Variants in ODF2L observed in about 807,000 individuals in gnomAD.
ODF2L encodes protein BCAP.
A neutral mutation model predicts 86.3 loss-of-function variants in ODF2L; 76 were observed. The ratio of observed to expected loss-of-function variants is 0.88; its 90% CI spans 0.73 to 1.07. ODF2L has a LOEUF of 1.07. Ranked by LOEUF, ODF2L falls within the 50% of genes least tolerant of loss-of-function variation. The pLI, the probability that ODF2L is intolerant of heterozygous loss-of-function variation, is 0.00. For missense variants in ODF2L, 748 were observed against 717.4 expected (o/e 1.04, Z -0.49); for synonymous variants, 241 against 231.3 (o/e 1.04, Z -0.38).
chr1:86,376,702 G>C (rs1660200424), intron 7 of ODF2L, among the ~76,000 whole-genome samples: 2 of 152,188 alleles, frequency 1.3e-5, no homozygotes, highest in South Asian at 2.1e-4. Context: ...AGGAGCAAAG[G>C]GGGAAGAGCC....
At chr1:86,373,191 A>AATATATGAAATTT (rs1659927646) in intron 8 of ODF2L, among the ~76,000 whole-genome samples, 1 of 152,176 alleles carries the variant, frequency 6.6e-6, no homozygotes, top group Non-Finnish European at 1.5e-5. Flanking sequence ...TTTCATATAC[A>AATATATGAAATTT]CATAGTGGAA....
chr1:86,396,175 G>C (rs1311712173), exon 1 of ODF2L: 1 of 152,524 alleles, frequency 6.6e-6, no homozygotes, highest in Non-Finnish European at 1.5e-5. Context: ...GAGGGAGCGG[G>C]ACGCAGGGGG....
At chr1:86,353,867 G>A (rs956662160) in intron 16 of ODF2L, among the ~76,000 whole-genome samples, 14 of 152,152 alleles carry the variant, frequency 9.2e-5, no homozygotes, top group Admixed American at 3.3e-4. Context: ...CTCTCACGTG[G>A]GCAGAAACTA....
exon 8 of ODF2L, chr1:86,376,247 G>T (rs1052593349): frequency 6.2e-7 from 1 of 1,605,218 alleles, no homozygotes; most frequent in Admixed American, 1.7e-5. Context: ...TCTCTAATTT[G>T]GGAAGTAAGC....
chr1:86,384,699 G>A (rs1377492106), exon 4 of ODF2L: 5 of 1,506,680 alleles, frequency 3.3e-6, no homozygotes, highest in Admixed American at 4.5e-5. Context: ...CTCTTTCTAA[G>A]AAGATGTTCT....
exon 18 of ODF2L, chr1:86,352,196 G>T: frequency 6.6e-7 from 1 of 1,514,292 alleles, no homozygotes; most frequent in Non-Finnish European, 8.9e-7. Context: ...AGATTTCATG[G>T]AGTCTCTGGA....
intron 8 of ODF2L, among the ~76,000 whole-genome samples, chr1:86,375,545 A>G (rs1037303904): frequency 1.3e-5 from 2 of 152,156 alleles, no homozygotes; most frequent in African/African-American, 4.8e-5. Context: ...CTTTTTTAAA[A>G]AAATTATTAA....
intron 9 of ODF2L, among the ~76,000 whole-genome samples, chr1:86,371,525 A>T (rs755725482): frequency 2.0e-5 from 3 of 152,220 alleles, no homozygotes; most frequent in South Asian, 2.1e-4. Context: ...AAAAGAATTA[A>T]GTGAGGCAAT....
At chr1:86,374,008 T>A (rs7551595) in intron 8 of ODF2L, among the ~76,000 whole-genome samples, 1,569 of 152,288 alleles carry the variant, frequency 0.01, 24 homozygotes, top group African/African-American at 0.036. Context: ...GTAGCCACTG[T>A]GCCTCCGCTC....
intron 12 of ODF2L, among the ~76,000 whole-genome samples, chr1:86,359,421 G>T (rs567886351): frequency 1.3e-5 from 2 of 151,880 alleles, no homozygotes; most frequent in Non-Finnish European, 2.9e-5. Flanking sequence ...ATTCTAACTG[G>T]ATGTCTCAAC....
exon 18 of ODF2L, chr1:86,351,948 T>C: frequency 8.2e-7 from 1 of 1,214,726 alleles, no homozygotes; most frequent in Non-Finnish European, 1.0e-6. Context: ...GAGGCTTCAA[T>C]TACACAAAAA....
intron 7 of ODF2L, among the ~76,000 whole-genome samples, chr1:86,379,232 A>T (rs765770341): frequency 4.0e-4 from 61 of 152,180 alleles, no homozygotes; most frequent in African/African-American, 1.4e-3. Flanking sequence ...TAAACTATGC[A>T]GTCTCAGGCA....
exon 14 of ODF2L, chr1:86,356,459 C>T (rs769026424): frequency 3.1e-6 from 5 of 1,610,526 alleles, no homozygotes; most frequent in Non-Finnish European, 4.2e-6. Flanking sequence ...CCTGAAGCTC[C>T]CTAATGGTGT....
chr1:86,371,824 AAAT>A (rs751979142), intron 9 of ODF2L, among the ~76,000 whole-genome samples: 1 of 152,218 alleles, frequency 6.6e-6, no homozygotes, highest in Non-Finnish European at 1.5e-5. Flanking sequence ...AAGAAAAAGT[AAAT>A]ATTAACATTT....
At chr1:86,368,708 A>G in exon 11 of ODF2L, 1 of 1,448,642 alleles carries the variant, frequency 6.9e-7, no homozygotes, top group Non-Finnish European at 9.2e-7. Flanking sequence ...CAGTAATTCT[A>G]CATGGGAATC....
intron 6 of ODF2L, 78 bp downstream of exon 6, chr1:86,382,853 G>T: frequency 1.3e-6 from 1 of 749,686 alleles, no homozygotes; most frequent in Non-Finnish European, 2.4e-6. Context: ...TTTCTGAGGA[G>T]TTGGGGCCAG....
chr1:86,372,713 A>G (rs1659883680), intron 8 of ODF2L, 173 bp from the exon 9 acceptor site: 3 of 399,096 alleles, frequency 7.5e-6, no homozygotes, highest in Non-Finnish European at 1.3e-5. Flanking sequence ...TAATTGCAAA[A>G]ATATGGAACC....
At chr1:86,351,578 T>A (rs1361197944) in exon 18 of ODF2L, 1 of 152,248 alleles carries the variant, frequency 6.6e-6, no homozygotes, top group Non-Finnish European at 1.5e-5. Flanking sequence ...TTATGTGAGC[T>A]CTTTTTTGGT....
Position 86,376,264 on chromosome 1 carries a change from A to G in ODF2L, c.779T>C (p.Ile260Thr), listed in dbSNP as rs944177777. ...TCTAATTTGGGAAGTAAGCTTTTCA[A>G]TAGCTCCTGTAAAATGGTCAAGCCT... The change falls in exon 8 of 18, where the codon ATT becomes ACT. Residue 260 changes from isoleucine (I) to threonine (T), a missense_variant. Transcript: ENST00000317336. 3.1e-6 allele frequency: 5 copies of G among 1,611,358 alleles called. No homozygotes were observed. In the Admixed American group the frequency reaches 5.0e-5, roughly 16 times the overall value.
Sources: allele counts gnomAD v4.1 joint callset (sites outside exome capture counted in the v4.1 genomes callset), GRCh38; gene constraint gnomAD v4.1.1; transcripts MANE v1.5; gene names NCBI Gene and HGNC (gene_info 2026-07-23, HGNC 2026-07-21).